The following PLD5 variants were observed in gnomAD, a reference collection of about 807,000 sequenced individuals.
PLD5 encodes inactive phospholipase D5.
A neutral mutation model predicts 61.1 loss-of-function variants in PLD5; 36 were observed. That is an observed-to-expected ratio of 0.59 (90% confidence interval 0.45 to 0.78). PLD5 has a LOEUF of 0.78. Ranked by LOEUF, PLD5 falls within the 30% of genes least tolerant of loss-of-function variation. The pLI, the probability that PLD5 is intolerant of heterozygous loss-of-function variation, is 0.00. For synonymous variants in PLD5, 243 were observed against 242.8 expected, an observed-to-expected ratio of 1.00 and a Z score of -0.01; for missense variants, 515 against 644.4, an observed-to-expected ratio of 0.80 and a Z score of 2.17.
chr1:242,427,078 A>G (rs535609934), intron 1 of PLD5, among the ~76,000 whole-genome samples: 135 of 152,352 alleles, frequency 8.9e-4, no homozygotes, highest in African/African-American at 2.9e-3. Flanking sequence ...TTTCCAATCA[A>G]GAAAACTCAT....
At chr1:242,303,052 G>A (rs1443603712) in intron 2 of PLD5, among the ~76,000 whole-genome samples, 5 of 152,070 alleles carry the variant, frequency 3.3e-5, no homozygotes, top group African/African-American at 1.2e-4. Context: ...TAGACCGCTC[G>A]GCCATCCTGA....
chr1:242,377,441 C>T (rs1352484289), intron 1 of PLD5: 8 of 787,970 alleles, frequency 1.0e-5, no homozygotes, highest in South Asian at 1.6e-5. Flanking sequence ...TTGTTTCCTC[C>T]TCACTGGTGG....
At chr1:242,206,939 T>C (rs1346661421) in intron 5 of PLD5, among the ~76,000 whole-genome samples, 1 of 152,294 alleles carries the variant, frequency 6.6e-6, no homozygotes, top group Non-Finnish European at 1.5e-5. Context: ...GTGGGGGCTG[T>C]AAGTTCAAAA....
chr1:242,524,410 G>C lies in PLD5; in HGVS notation c.-134C>G. The C allele has an allele frequency of 1.1e-6, 1 of 891,726 alleles. No homozygotes were observed. Among genetic ancestry groups the C allele is most frequent in the Admixed American group, 4.4e-5 (1 of 22,904 alleles). The allele number at this position is 891,726 out of a possible 1,614,324, so 55.2% of individuals were successfully genotyped here. A position where few individuals can be genotyped will look rare whatever the true frequency, so the allele number is the denominator to read the frequency against. ...GGAGACTGAGCTGGAGGAGCTGGAG[G>C]AGCGAGCGGGCGCGGGGAGCGCGGG... On this transcript the variant is annotated 5_prime_UTR_variant, in exon 1 of 10. Transcript: ENST00000536534.
At chr1:242,420,556 C>T (rs532423797) in intron 1 of PLD5, among the ~76,000 whole-genome samples, 1 of 152,276 alleles carries the variant, frequency 6.6e-6, no homozygotes, top group East Asian at 1.9e-4. Flanking sequence ...TGAATGGCAA[C>T]TTTAATGCCT....
intron 7 of PLD5, among the ~76,000 whole-genome samples, chr1:242,110,050 A>C (rs1661360454): frequency 1.4e-5 from 2 of 147,540 alleles, no homozygotes; most frequent in Non-Finnish European, 3.0e-5. Flanking sequence ...ATTATATATA[A>C]TATAGATATT....
At chr1:242,114,236 A>G (rs1661766546) in intron 6 of PLD5, among the ~76,000 whole-genome samples, 1 of 152,142 alleles carries the variant, frequency 6.6e-6, no homozygotes, top group African/African-American at 2.4e-5. Context: ...TCTGTTTTGG[A>G]AAGAATTCTT....
At chr1:242,502,112 AC>A in intron 1 of PLD5, among the ~76,000 whole-genome samples, 1 of 152,138 alleles carries the variant, frequency 6.6e-6, no homozygotes, top group Non-Finnish European at 1.5e-5. Context: ...TATGTCTGCA[AC>A]CCAACCCAGC....
intron 1 of PLD5, among the ~76,000 whole-genome samples, chr1:242,452,905 C>A (rs561081789): frequency 7.2e-5 from 11 of 152,026 alleles, no homozygotes; most frequent in African/African-American, 1.4e-4. Flanking sequence ...AACTAAAAAT[C>A]CAGGTACAAC....
intron 1 of PLD5, among the ~76,000 whole-genome samples, chr1:242,405,367 G>A (rs913369420): frequency 3.9e-5 from 6 of 152,072 alleles, no homozygotes; most frequent in Admixed American, 1.3e-4. Context: ...CGGAGGTAGC[G>A]GCTAGCATTC....
intron 2 of PLD5, among the ~76,000 whole-genome samples, chr1:242,345,286 A>G (rs1228788104): frequency 6.6e-6 from 1 of 152,190 alleles, no homozygotes; most frequent in Non-Finnish European, 1.5e-5. Flanking sequence ...CCAAGCTTAC[A>G]GTTAGTAAGT....
At chr1:242,520,526 A>T (rs745959781) in intron 1 of PLD5, among the ~76,000 whole-genome samples, 33 of 152,160 alleles carry the variant, frequency 2.2e-4, no homozygotes, top group Non-Finnish European at 4.3e-4. Context: ...CTCTTACCAG[A>T]GCTCCTACTC....
intron 1 of PLD5, among the ~76,000 whole-genome samples, chr1:242,447,960 G>T (rs958715388): frequency 2.0e-5 from 3 of 152,200 alleles, no homozygotes; most frequent in Non-Finnish European, 2.9e-5. Context: ...GAATGATTCT[G>T]CCTCAAGCAT....
At chr1:242,112,710 G>A (rs1363212535) in intron 7 of PLD5, among the ~76,000 whole-genome samples, 1 of 152,012 alleles carries the variant, frequency 6.6e-6, no homozygotes, top group Non-Finnish European at 1.5e-5. Flanking sequence ...AGCAATAAAG[G>A]GCACACTTAA....
intron 1 of PLD5, among the ~76,000 whole-genome samples, chr1:242,421,975 T>C (rs1665169521): frequency 6.6e-6 from 1 of 152,130 alleles, no homozygotes; most frequent in African/African-American, 2.4e-5. Context: ...AAAATAAAAT[T>C]CAAATGAAGA....
At chr1:242,105,431 C>T (rs1228801410) in intron 8 of PLD5, among the ~76,000 whole-genome samples, 1 of 152,166 alleles carries the variant, frequency 6.6e-6, no homozygotes, top group African/African-American at 2.4e-5. Flanking sequence ...ACCATGTTGT[C>T]CAGACTGGTC....
chr1:242,348,418 AAC>A, intron 1 of PLD5, among the ~76,000 whole-genome samples, 176 bp from the exon 2 acceptor site: 1 of 152,076 alleles, frequency 6.6e-6, no homozygotes, highest in Non-Finnish European at 1.5e-5. Context: ...CTTATTTCTC[AAC>A]ACAGCCTTCA....
At position 242,220,058 on chromosome 1, in the gene PLD5, G is replaced by A; in HGVS notation, c.665C>T (p.Ser222Phe). ...TAYNKGRLQS[S>F]FWIVDKQHVY... is the part of the protein sequence containing the mutation. ...GTGCTGTTTGTCCACGATCCAGAAG[G>A]AGGACTGCAGCCGGCCCTTGTTGTA... is the stretch of plus-strand genomic sequence containing the variant. The change falls in exon 5 of 10, where the codon TCC becomes TTC. Residue 222 changes from serine (S) to phenylalanine (F), a missense_variant. By Grantham distance (155) the Ser-to-Phe change is radical (BLOSUM62 -2). Around this residue, in one of 2 missense-constraint regions of PLD5, gnomAD observed 450 missense variants for 598.1 expected, o/e 0.75. Transcript: ENST00000536534. The A allele has an allele frequency of 6.2e-7, 1 of 1,614,220 alleles. No individual in the cohort carries two copies. Among genetic ancestry groups the A allele is most frequent in the Non-Finnish European group, 8.5e-7 (1 of 1,180,038 alleles).
Position 242,138,901 on chromosome 1 carries a change from A to G in PLD5, c.736-14236T>C, listed in dbSNP as rs181640422. ...GGGGCCACAACTGTGTAAGAACTAA[A>G]TGGTTTGATATTATGAGCAAAGTTT... On this transcript the variant is annotated intron_variant, in intron 5 of 9. Coordinates refer to ENST00000536534, the MANE Select transcript of PLD5 (RefSeq NM_001372062.1). Among the ~76,000 whole-genome samples the G allele has an allele frequency of 1.4e-4, 22 of 152,298 alleles. No homozygotes were observed. The Middle Eastern group carries it at 0.01, about 71-fold the overall frequency.
Sources: allele counts gnomAD v4.1 joint callset (sites outside exome capture counted in the v4.1 genomes callset), GRCh38; gene constraint gnomAD v4.1.1; regional missense constraint gnomAD v4.1.1; transcripts MANE v1.5; gene names NCBI Gene and HGNC (gene_info 2026-07-23, HGNC 2026-07-21).